Variants in FREM2 observed in about 807,000 individuals in gnomAD.
FREM2 encodes the protein FRAS1-related extracellular matrix protein 2.
In FREM2, 119 loss-of-function variants were observed where a neutral mutation model predicts 219.9. The observed-to-expected ratio is 0.54, with a 90% CI of 0.47 to 0.63. The LOEUF is 0.63. FREM2 is among the 30% of genes least tolerant of loss of function. The pLI is 0.00. For synonymous variants in FREM2, 1,562 were observed against 1,522.8 expected (o/e 1.03, Z -0.60); for missense variants, 4,030 against 3,993.6 (o/e 1.01, Z -0.25).
At chr13:38,799,427 G>T (rs759636622) in intron 6 of FREM2, among the ~76,000 whole-genome samples, 7 of 152,036 alleles carry the variant, frequency 4.6e-5, no homozygotes, top group Non-Finnish European at 8.8e-5. Flanking sequence ...TGAGAATAAT[G>T]TATATTCTGC....
chr13:38,842,361 A>G (rs1022961756), intron 6 of FREM2, among the ~76,000 whole-genome samples: 3 of 152,102 alleles, frequency 2.0e-5, no homozygotes, highest in African/African-American at 7.2e-5. Context: ...ACTCAAATGG[A>G]AGGTGTTATT....
chr13:38,726,226 G>T (rs1261570590), intron 2 of FREM2, among the ~76,000 whole-genome samples: 1 of 152,104 alleles, frequency 6.6e-6, no homozygotes, highest in Non-Finnish European at 1.5e-5. Flanking sequence ...AATAATTTCA[G>T]CAGGCTCCTG....
chr13:38,733,208 AG>A (rs1267049698), intron 2 of FREM2, among the ~76,000 whole-genome samples: 2 of 152,110 alleles, frequency 1.3e-5, no homozygotes, highest in Non-Finnish European at 2.9e-5. Flanking sequence ...AGTTTCTAAG[AG>A]GCACTGAGGA....
chr13:38,829,687 TTAAG>T (rs970180931), intron 6 of FREM2, among the ~76,000 whole-genome samples: 6 of 151,556 alleles, frequency 4.0e-5, no homozygotes, highest in Non-Finnish European at 7.4e-5. Context: ...ATTTTACCTA[TTAAG>T]TGAGTATAGA....
chr13:38,742,648 T>C (rs1373045567), intron 2 of FREM2, among the ~76,000 whole-genome samples: 1 of 152,206 alleles, frequency 6.6e-6, no homozygotes, highest in Non-Finnish European at 1.5e-5. Flanking sequence ...ATTATGCCAT[T>C]TTATCGTTTA....
chr13:38,780,129 A>G (rs1874060845), intron 4 of FREM2, among the ~76,000 whole-genome samples: 1 of 152,204 alleles, frequency 6.6e-6, no homozygotes, highest in Non-Finnish European at 1.5e-5. Flanking sequence ...CCATGATTCT[A>G]TACCCAAATG....
intron 2 of FREM2, among the ~76,000 whole-genome samples, chr13:38,712,660 A>T (rs1870826015): frequency 1.3e-5 from 2 of 150,180 alleles, no homozygotes; most frequent in Middle Eastern, 6.8e-3. Flanking sequence ...TCACACACAC[A>T]CACACACACA....
chr13:38,762,233 G>T (rs1048277077), intron 2 of FREM2, among the ~76,000 whole-genome samples: 1 of 152,100 alleles, frequency 6.6e-6, no homozygotes, highest in African/African-American at 2.4e-5. Context: ...AAGTAACTTG[G>T]TCAGAGTCAG....
chr13:38,717,841 C>T (rs779223191), intron 2 of FREM2, among the ~76,000 whole-genome samples: 2 of 152,190 alleles, frequency 1.3e-5, no homozygotes, highest in Non-Finnish European at 2.9e-5. Flanking sequence ...GTGAAGTCCT[C>T]ATCTTGATAA....
intron 6 of FREM2, among the ~76,000 whole-genome samples, chr13:38,824,662 G>A (rs1876202228): frequency 1.3e-5 from 2 of 151,978 alleles, no homozygotes; most frequent in Admixed American, 6.6e-5. Context: ...AGTTGGTTCT[G>A]GGTGGGGCCA....
chr13:38,693,178 C>T lies in FREM2; in HGVS notation c.5173+661C>T, dbSNP rs539551100. 2.6e-3 allele frequency among the ~76,000 whole-genome samples: 395 copies of T among 152,068 alleles called. 2 individuals are homozygous for T. Among genetic ancestry groups the T allele is most frequent in the African/African-American group, 9.0e-3 (374 of 41,470 alleles). On this transcript the variant is annotated intron_variant, in intron 1 of 23. Coordinates refer to ENST00000280481, the MANE Select transcript of FREM2 (RefSeq NM_207361.6). Reference sequence around the variant, plus strand: ...ACAATGATATTTACAGGGCATGCTACTAGGATATACATGAAAAAGGAAAGT... The same window carrying T: ...ACAATGATATTTACAGGGCATGCTATTAGGATATACATGAAAAAGGAAAGT...
intron 6 of FREM2, 55 bp from the exon 7 acceptor site, chr13:38,846,518 G>A (rs1337194502): frequency 3.2e-6 from 5 of 1,572,752 alleles, no homozygotes; most frequent in Non-Finnish European, 4.4e-6. Flanking sequence ...TGTCAATAGA[G>A]TTTGATGTGA....
Position 38,880,832 on chromosome 13 carries a change from A to T in FREM2, c.*45A>T, listed in dbSNP as rs750612001. 1.9e-6 allele frequency: 3 copies of T among 1,606,372 alleles called. No individual in the cohort carries two copies. The East Asian group carries it at 6.7e-5, about 36-fold the overall frequency. On this transcript the variant is annotated 3_prime_UTR_variant, in exon 24 of 24. Transcript: ENST00000280481. ...ACCTTTTCCGTAAGTGCCTCGGAAA[A>T]GATCACAATGGAACCTTAAATACTT...
chr13:38,688,487 C>G lies in FREM2; in HGVS notation c.1143C>G (p.Ser381=). Residue 381 remains serine, a synonymous_variant, in exon 1 of 24, where the codon TCC becomes TCG. Coordinates refer to ENST00000280481, the MANE Select transcript of FREM2 (RefSeq NM_207361.6). ...VSTDDRSLPL[S]SFTQRDLRLL... ...CCGATGATCGCAGCCTGCCCCTTTCCTCCTTCACTCAGAGGGATCTGCGGC... is the reference window on the plus strand; with the variant it reads ...CCGATGATCGCAGCCTGCCCCTTTCGTCCTTCACTCAGAGGGATCTGCGGC... The G allele has an allele frequency of 6.2e-7, 1 of 1,614,168 alleles. No individual in the cohort carries two copies. Among genetic ancestry groups the G allele is most frequent in the South Asian group, 1.1e-5 (1 of 91,076 alleles).
chr13:38,688,697 G>A lies in FREM2; in HGVS notation c.1353G>A (p.Glu451=), dbSNP rs1303392488. ...GGAATACCGGTCTTATTCTCTATGA[G>A]GGTCAGTCTCGGCCCCTCACAGGCC... ...VTRNTGLILY[E]GQSRPLTGPA... The change falls in exon 1 of 24, where the codon GAG becomes GAA. Residue 451 remains glutamate (E), a synonymous_variant. Coordinates refer to ENST00000280481, the MANE Select transcript of FREM2 (RefSeq NM_207361.6). 1.9e-6 allele frequency: 3 copies of A among 1,614,118 alleles called. No individual in the cohort carries two copies. The highest frequency in any genetic ancestry group is 2.5e-6 in the Non-Finnish European group (3 of 1,179,992).
chr13:38,779,566 C>T (rs1482741218), intron 4 of FREM2: 2 of 152,216 alleles, frequency 1.3e-5, no homozygotes, highest in East Asian at 3.9e-4. Context: ...ATTGCTGATA[C>T]ACAAGTAAAA....
At chr13:38,790,099 C>A (rs1038115229) in intron 6 of FREM2, among the ~76,000 whole-genome samples, 5 of 152,026 alleles carry the variant, frequency 3.3e-5, no homozygotes, top group Admixed American at 6.6e-5. Context: ...AGTTCCAGTG[C>A]CAAATAATGT....
intron 6 of FREM2, among the ~76,000 whole-genome samples, chr13:38,813,518 CCTCTCTCTCTCTCT>C (rs869095846): frequency 1.3e-4 from 1 of 7,802 alleles, no homozygotes; most frequent in African/African-American, 3.0e-4. Flanking sequence ...CTCTCTCTCT[CCTCTCTCTCTCTCT>C]CTCTCTCTCT....
At chr13:38,744,042 T>C (rs901663513) in intron 2 of FREM2, among the ~76,000 whole-genome samples, 1 of 151,926 alleles carries the variant, frequency 6.6e-6, no homozygotes, top group African/African-American at 2.4e-5. Context: ...CTCATGGAAA[T>C]GAATGGAGAG....
Sources: gnomAD v4.1 joint callset for allele counts (sites outside exome capture counted in the v4.1 genomes callset) on GRCh38, gnomAD v4.1.1 for gene constraint, MANE v1.5 for transcripts, NCBI Gene and HGNC (gene_info 2026-07-23, HGNC 2026-07-21) for gene names.